STRN: variants seen among roughly 807,000 people sequenced by gnomAD.
STRN encodes the protein striatin, also known as protein phosphatase 2 regulatory subunit B'''alpha.
Under a neutral mutation model 96.3 loss-of-function variants are expected in STRN, and 53 were observed. The observed-to-expected ratio is 0.55, with a 90% CI of 0.44 to 0.69. The LOEUF is 0.69. Ranked by LOEUF, STRN falls within the 30% of genes least tolerant of loss-of-function variation. The pLI is 0.00. For missense variants in STRN, 987 were observed against 963.9 expected (o/e 1.02, Z -0.32); for synonymous variants, 428 against 355.9 (o/e 1.20, Z -2.28).
At chr2:36,892,144 A>C (rs969706385) in intron 7 of STRN, among the ~76,000 whole-genome samples, 5 of 152,200 alleles carry the variant, frequency 3.3e-5, no homozygotes, top group African/African-American at 1.2e-4. Flanking sequence ...ATTTATCCTA[A>C]GTAAATTAAC....
rs570012740 is a variant in STRN, at chr2:36,851,213, G to T, written c.1979-106C>A. 3,606 of 930,662 alleles carry T rather than the reference G, an allele frequency of 3.9e-3. 10 individuals carry two copies. The highest frequency in any genetic ancestry group is 5.0e-3 in the Non-Finnish European group (3,159 of 630,568). 57.7% of individuals were successfully genotyped at this position (930,662 alleles called of 1,614,324 possible). On this transcript the variant is annotated intron_variant, in intron 15 of 17. Coordinates refer to ENST00000263918, the MANE Select transcript of STRN (RefSeq NM_003162.4). ...GAGACTGAAAAAGTAGGCCGGCCGCGGTGGCTCACGCCTGTAATCCAAGCA... is the reference window on the plus strand; with the variant it reads ...GAGACTGAAAAAGTAGGCCGGCCGCTGTGGCTCACGCCTGTAATCCAAGCA...
chr2:36,884,533 C>T (rs1330345804), intron 8 of STRN, among the ~76,000 whole-genome samples: 1 of 152,156 alleles, frequency 6.6e-6, no homozygotes, highest in African/African-American at 2.4e-5. Flanking sequence ...AACTTTGATT[C>T]TTCATTCTCC....
In STRN at chr2:36,853,143, C is replaced by T. The variant is rs1041057605; in HGVS notation, c.1979-2036G>A. On this transcript the variant is annotated intron_variant, in intron 15 of 17. Transcript: ENST00000263918. Reference sequence around the variant, plus strand: ...CTGCACTCCAGCCTGGGCAACAGAGCGAGACTCTGTCTCAAAAAAAAATAA... The same window carrying T: ...CTGCACTCCAGCCTGGGCAACAGAGTGAGACTCTGTCTCAAAAAAAAATAA... Among the ~76,000 whole-genome samples the T allele has an allele frequency of 5.1e-5, 7 of 137,548 alleles. No homozygotes were observed. In the East Asian group the frequency reaches 8.7e-4, roughly 17 times the overall value. 90.2% of individuals were successfully genotyped at this position (137,548 alleles called of 152,430 possible).
chr2:36,876,542 T>C lies in STRN; in HGVS notation c.1323+1349A>G, dbSNP rs146923369. 1.7e-4 allele frequency among the ~76,000 whole-genome samples: 26 copies of C among 152,224 alleles called. No individual in the cohort carries two copies. In the East Asian group the frequency reaches 2.1e-3, roughly 12 times the overall value. ...AAGCATTATTCTTTGGAGTGCTTCTTTACCGTACCTATGGTTTACTTAGGC... is the reference window on the plus strand; with the variant it reads ...AAGCATTATTCTTTGGAGTGCTTCTCTACCGTACCTATGGTTTACTTAGGC... On this transcript the variant is annotated intron_variant, in intron 10 of 17. Coordinates refer to ENST00000263918, the MANE Select transcript of STRN (RefSeq NM_003162.4).
intron 9 of STRN, among the ~76,000 whole-genome samples, chr2:36,881,293 A>C (rs769539598): frequency 6.6e-6 from 1 of 151,960 alleles, no homozygotes. Context: ...ATGTCCAGCT[A>C]ATTTTTGTAT....
At chr2:36,955,843 A>G (rs115456622) in intron 1 of STRN, among the ~76,000 whole-genome samples, 2,523 of 152,280 alleles carry the variant, frequency 0.017, 74 homozygotes, top group African/African-American at 0.058. Flanking sequence ...ACCTAATGAG[A>G]TATCTTGGGG....
chr2:36,939,288 C>G (rs1317597088), intron 1 of STRN, among the ~76,000 whole-genome samples: 2 of 151,962 alleles, frequency 1.3e-5, no homozygotes, highest in African/African-American at 4.8e-5. Context: ...ATTCTTTTTC[C>G]GAAGCCACTC....
At position 36,858,516 on chromosome 2, in the gene STRN, G is replaced by A. The variant is rs1668404947; in HGVS notation, c.1670-493C>T. 5.3e-5 allele frequency among the ~76,000 whole-genome samples: 8 copies of A among 152,342 alleles called. No homozygotes were observed. In the South Asian group the frequency reaches 1.7e-3, roughly 32 times the overall value. ...AAAATATGGCATTCATAATGGACAG[G>A]AAGTGACATCTACAGGAATCCCCAA... On this transcript the variant is annotated intron_variant, in intron 13 of 17. Coordinates refer to ENST00000263918, the MANE Select transcript of STRN (RefSeq NM_003162.4).
At chr2:36,889,824 C>T (rs1280349734) in intron 7 of STRN, among the ~76,000 whole-genome samples, 6 of 152,134 alleles carry the variant, frequency 3.9e-5, no homozygotes, top group Admixed American at 3.3e-4. Context: ...ATTCCATTTA[C>T]TCATGCTCAC....
At chr2:36,954,458 G>C (rs1478123868) in intron 1 of STRN, among the ~76,000 whole-genome samples, 1 of 149,122 alleles carries the variant, frequency 6.7e-6, no homozygotes, top group East Asian at 2.0e-4. Flanking sequence ...GTTGCAGTGA[G>C]TTGAGATTAC....
intron 1 of STRN, among the ~76,000 whole-genome samples, chr2:36,940,353 T>C (rs553668758): frequency 5.3e-5 from 8 of 152,058 alleles, no homozygotes; most frequent in Non-Finnish European, 1.2e-4. Flanking sequence ...AGGAGGTTGA[T>C]AAAGAACCAT....
intron 1 of STRN, among the ~76,000 whole-genome samples, chr2:36,933,761 T>C (rs1670633057): frequency 6.6e-6 from 1 of 152,160 alleles, no homozygotes; most frequent in Non-Finnish European, 1.5e-5. Context: ...TGTGCTGCCA[T>C]GCCCAGCCAA....
intron 1 of STRN, among the ~76,000 whole-genome samples, chr2:36,925,851 T>C (rs1670395628): frequency 6.6e-6 from 1 of 152,182 alleles, no homozygotes. Context: ...TGTTTGTCTT[T>C]TTGCCATCAA....
chr2:36,907,392 A>T (rs889300880), intron 3 of STRN, among the ~76,000 whole-genome samples: 1 of 152,170 alleles, frequency 6.6e-6, no homozygotes, highest in African/African-American at 2.4e-5. Flanking sequence ...TACTAAAAAT[A>T]CAAAACCTTA....
chr2:36,954,812 T>C (rs1176801172), intron 1 of STRN, among the ~76,000 whole-genome samples: 2 of 151,996 alleles, frequency 1.3e-5, no homozygotes, highest in African/African-American at 2.4e-5. Context: ...TAATTTTTTG[T>C]ATTTTTAGTA....
chr2:36,852,294 C>T (rs902927379), intron 15 of STRN, among the ~76,000 whole-genome samples: 1 of 152,066 alleles, frequency 6.6e-6, no homozygotes, highest in African/African-American at 2.4e-5. Context: ...GAAGGTATGT[C>T]AAAGTTTTAA....
chr2:36,866,892 C>T (rs1045542628), intron 12 of STRN, among the ~76,000 whole-genome samples: 2 of 152,154 alleles, frequency 1.3e-5, no homozygotes, highest in African/African-American at 2.4e-5. Context: ...TGTTCTTCAT[C>T]CCTTTTCTTT....
At chr2:36,903,207 C>G (rs1348205346) in intron 4 of STRN, among the ~76,000 whole-genome samples, 3 of 152,038 alleles carry the variant, frequency 2.0e-5, no homozygotes, top group Admixed American at 6.6e-5. Flanking sequence ...TCGAGTCACT[C>G]TACAGAATTG....
At chr2:36,924,507 C>A (rs1670358179) in intron 2 of STRN, among the ~76,000 whole-genome samples, 1 of 151,918 alleles carries the variant, frequency 6.6e-6, no homozygotes, top group Admixed American at 6.6e-5. Context: ...ACTATTTCAA[C>A]TTTAAAATGA....
Sources: gnomAD v4.1 joint callset for allele counts (sites outside exome capture counted in the v4.1 genomes callset) on GRCh38, gnomAD v4.1.1 for gene constraint, MANE v1.5 for transcripts, NCBI Gene and HGNC (gene_info 2026-07-23, HGNC 2026-07-21) for gene names.